MAST4: variants seen among roughly 807,000 people sequenced by gnomAD.
The protein encoded by MAST4 is microtubule associated serine/threonine kinase family member 4.
Under a neutral mutation model 162.7 loss-of-function variants are expected in MAST4, and 89 were observed. That is an observed-to-expected ratio of 0.55 (90% CI 0.46 to 0.65). The LOEUF (loss-of-function observed/expected upper bound fraction) is 0.65. MAST4 is among the 30% of genes least tolerant of loss of function. MAST4 has a pLI of 0.00. For synonymous variants in MAST4, 1,479 were observed against 1,361.1 expected (o/e 1.09, Z -1.91); for missense variants, 3,153 against 3,374.0 (o/e 0.93, Z 1.62).
intron 3 of MAST4, among the ~76,000 whole-genome samples, chr5:66,875,668 C>T (rs1225817394): frequency 6.6e-6 from 1 of 152,066 alleles, no homozygotes. Context: ...ATTATTTTTT[C>T]CCCTCATTTG....
At chr5:66,767,046 GGAAA>G (rs1162441460) in intron 2 of MAST4, among the ~76,000 whole-genome samples, 1 of 152,100 alleles carries the variant, frequency 6.6e-6, no homozygotes, top group Non-Finnish European at 1.5e-5. Context: ...TGGCAGAAGT[GGAAA>G]GAGAGAGGAG....
chr5:67,069,403 A>G (rs1378692093), intron 5 of MAST4, among the ~76,000 whole-genome samples: 1 of 150,582 alleles, frequency 6.6e-6, no homozygotes. Flanking sequence ...TGTTCTCAGG[A>G]TTAATATATA....
Position 67,145,363 on chromosome 5 carries a change from C to T in MAST4, c.3078C>T (p.Ser1026=). ...PEVTTPASTI[S]SSTLSVGSFS... ...TCACCACCCCAGCCAGCACCATCAG[C>T]AGCTCCACCCTGTCAGGTAAGCCCC... The change falls in exon 23 of 29, where the codon AGC becomes AGT. Residue 1026 remains serine, a synonymous_variant. Coordinates refer to ENST00000403625, the MANE Select transcript of MAST4 (RefSeq NM_001164664.2). The T allele has an allele frequency of 6.2e-7, 1 of 1,612,920 alleles. No individual in the cohort carries two copies. Among genetic ancestry groups the T allele is most frequent in the Non-Finnish European group, 8.5e-7 (1 of 1,179,848 alleles).
rs1770924993 is a variant in MAST4 at position 67,145,226 on chromosome 5, A to G, written c.2941A>G (p.Ile981Val). ...TTCTGGCCTACTTCCCAAACTGGCT[A>G]TTTCAACAGAGGGAGAGCAAGATGA... ...LSSGLLPKLAISTEGEQDEAA... is the reference protein window; with the variant it reads ...LSSGLLPKLAVSTEGEQDEAA... Residue 981 changes from isoleucine to valine, a missense_variant, in exon 23 of 29, where the codon ATT (isoleucine) becomes GTT (valine). Around this residue, in one of 7 missense-constraint regions of MAST4, gnomAD observed 619 missense variants for 744.2 expected, o/e 0.83. Transcript: ENST00000403625. The G allele has an allele frequency of 2.5e-6, 4 of 1,613,768 alleles. No homozygotes were observed. The highest frequency in any genetic ancestry group is 1.1e-5 in the South Asian group (1 of 90,998).
chr5:66,916,211 A>AC (rs1243675992), intron 4 of MAST4, among the ~76,000 whole-genome samples: 1 of 152,232 alleles, frequency 6.6e-6, no homozygotes, highest in Non-Finnish European at 1.5e-5. Flanking sequence ...TAAATTGTAT[A>AC]AGTGGCTCTG....
intron 1 of MAST4, among the ~76,000 whole-genome samples, chr5:66,710,255 A>T (rs1458379446): frequency 6.6e-6 from 1 of 152,254 alleles, no homozygotes; most frequent in Non-Finnish European, 1.5e-5. Context: ...GGTTTTCCAG[A>T]TGGAGAAATA....
intron 15 of MAST4, 148 bp from the exon 16 acceptor site, chr5:67,131,665 G>A: frequency 1.6e-6 from 1 of 631,234 alleles, no homozygotes; most frequent in Non-Finnish European, 2.6e-6. Context: ...TTAGAAACAT[G>A]ATAGGTTAAC....
chr5:66,668,221 G>A (rs906163187), intron 1 of MAST4, among the ~76,000 whole-genome samples: 58 of 152,192 alleles, frequency 3.8e-4, no homozygotes, highest in Admixed American at 3.3e-3. Context: ...ATGGTCACGA[G>A]GCCTAATGTA....
chr5:66,998,566 T>G (rs369957855), intron 4 of MAST4, among the ~76,000 whole-genome samples: 1 of 152,060 alleles, frequency 6.6e-6, no homozygotes, highest in African/African-American at 2.4e-5. Flanking sequence ...ACATATAGGG[T>G]CAGTCTTTAA....
chr5:66,788,604 C>CCCCCAAAAAAAAAAAAAAAAAAA, intron 2 of MAST4, 66 bp from the exon 3 acceptor site: 1 of 1,337,756 alleles, frequency 7.5e-7, no homozygotes, highest in Non-Finnish European at 1.0e-6. Flanking sequence ...CCACCCCCAC[C>CCCCCAAAAAAAAAAAAAAAAAAA]CCCATTGCAA....
intron 1 of MAST4, among the ~76,000 whole-genome samples, chr5:66,726,382 C>G (rs1046494142): frequency 2.0e-5 from 3 of 152,068 alleles, no homozygotes; most frequent in Non-Finnish European, 4.4e-5. Flanking sequence ...AGAAAAGACT[C>G]CTGAGTGGAA....
At chr5:66,982,493 A>G (rs750177537) in intron 4 of MAST4, among the ~76,000 whole-genome samples, 2 of 152,188 alleles carry the variant, frequency 1.3e-5, no homozygotes, top group Non-Finnish European at 2.9e-5. Context: ...CACCGTGACA[A>G]TCTATTAGAA....
At chr5:66,715,824 TTATCC>T (rs989585571) in intron 1 of MAST4, among the ~76,000 whole-genome samples, 45 of 151,878 alleles carry the variant, frequency 3.0e-4, no homozygotes, top group African/African-American at 1.1e-3. Flanking sequence ...AGATATCAAA[TTATCC>T]TATCCATCTC....
At chr5:66,828,437 A>G in intron 3 of MAST4, among the ~76,000 whole-genome samples, 1 of 152,126 alleles carries the variant, frequency 6.6e-6, no homozygotes, top group Admixed American at 6.5e-5. Context: ...GTCACCGCTG[A>G]TTTACTTAGC....
intron 4 of MAST4, among the ~76,000 whole-genome samples, chr5:66,975,984 C>G (rs1748093237): frequency 6.6e-6 from 1 of 152,000 alleles, no homozygotes; most frequent in Non-Finnish European, 1.5e-5. Context: ...GGTGACAGAG[C>G]TAGACTCCAT....
At chr5:66,891,018 G>T (rs541094987) in intron 3 of MAST4, among the ~76,000 whole-genome samples, 4 of 152,308 alleles carry the variant, frequency 2.6e-5, no homozygotes, top group African/African-American at 9.6e-5. Context: ...GGAAAAGGTG[G>T]TTGTCATGAA....
intron 1 of MAST4, among the ~76,000 whole-genome samples, chr5:66,687,598 A>G (rs1176441499): frequency 1.3e-5 from 2 of 150,090 alleles, no homozygotes; most frequent in Non-Finnish European, 3.0e-5. Context: ...ATATACATAC[A>G]TATATACACA....
At chr5:67,055,295 T>C (rs1359709171) in intron 5 of MAST4, among the ~76,000 whole-genome samples, 1 of 152,138 alleles carries the variant, frequency 6.6e-6, no homozygotes, top group Admixed American at 6.5e-5. Context: ...TCAAGGGTTT[T>C]GAGGAGGATC....
chr5:67,034,752 A>G (rs1755798214), intron 4 of MAST4, among the ~76,000 whole-genome samples: 1 of 152,176 alleles, frequency 6.6e-6, no homozygotes, highest in African/African-American at 2.4e-5. Flanking sequence ...CTCCAAAAGG[A>G]GTGAATATAT....
Sources: allele counts gnomAD v4.1 joint callset (sites outside exome capture counted in the v4.1 genomes callset), GRCh38; gene constraint gnomAD v4.1.1; regional missense constraint gnomAD v4.1.1; transcripts MANE v1.5; gene names NCBI Gene and HGNC (gene_info 2026-07-23, HGNC 2026-07-21).